The following ZYX variants were observed in gnomAD, a reference collection of about 807,000 sequenced individuals.
ZYX encodes zyxin.
ZYX carries 37 observed loss-of-function variants against 58.1 expected under a neutral mutation model. The observed-to-expected ratio is 0.64, with a 90% CI of 0.49 to 0.84. ZYX has a LOEUF of 0.84. Among genes scored for constraint, ZYX ranks in the 40% least tolerant of loss-of-function variants. The pLI is 0.00. For synonymous variants in ZYX, 324 were observed against 321.1 expected (o/e 1.01, Z -0.10); for missense variants, 762 against 761.6 (o/e 1.00, Z -0.01).
chr7:143,388,930 T>A lies in ZYX; in HGVS notation c.1478T>A (p.Val493Asp), dbSNP rs764116098. Residue 493 changes from valine (V) to aspartate (D), a missense_variant, in exon 8 of 10, where the codon GTC (valine) becomes GAC (aspartate). Transcript: ENST00000322764. The surrounding 1 kb of genome is among the most constrained non-coding windows in gnomAD (Gnocchi z 7.5). ...IVDQANRPHC[V>D]PDYHKQYAPR... ...GACCAGGCCAACCGGCCCCACTGTG[T>A]CCCCGACTACCACAAGTGAGGACCT... 1.2e-6 allele frequency: 2 copies of A among 1,610,678 alleles called. No homozygotes were observed. Among genetic ancestry groups the A allele is most frequent in the East Asian group, 4.5e-5 (2 of 44,860 alleles).
Position 143,388,148 on chromosome 7 carries a change from G to C in ZYX, c.1024-71G>C. 1 of 1,518,376 alleles carries C rather than the reference G, an allele frequency of 6.6e-7. No individual in the cohort carries two copies. 94.1% of individuals were successfully genotyped at this position (1,518,376 alleles called of 1,614,324 possible). Reference sequence around the variant, plus strand: ...AGCTAAGCCTCATCGGAAGAAGCCGGGTAGGCTGGCCTGGGAAGGTTCTTG... The same window carrying C: ...AGCTAAGCCTCATCGGAAGAAGCCGCGTAGGCTGGCCTGGGAAGGTTCTTG... On this transcript the variant is annotated intron_variant, in intron 5 of 9. Coordinates refer to ENST00000322764, the MANE Select transcript of ZYX (RefSeq NM_003461.5). This position sits in a 1 kb window ranked among gnomAD's most constrained non-coding sequence, Gnocchi z 7.5.
rs1489037655 is a variant in ZYX, at chr7:143,382,390, G to A, written c.351G>A (p.Pro117=). The change falls in exon 3 of 10, where the codon CCG becomes CCA. Residue 117 remains proline, a synonymous_variant. Coordinates refer to ENST00000322764, the MANE Select transcript of ZYX (RefSeq NM_003461.5). ...TGGAGGAGGAGATCTTCCCTTCCCC[G>A]CCGCCTCCTCCGGAGGAGGAGGGAG... ...APLEEEIFPS[P]PPPPEEEGGP... 6 of 1,577,052 alleles carry A rather than the reference G, an allele frequency of 3.8e-6. No individual in the cohort carries two copies. Among genetic ancestry groups the A allele is most frequent in the African/African-American group, 1.4e-5 (1 of 72,934 alleles).
rs546228456 is a variant in ZYX, at chr7:143,387,933, C to T, written c.1024-286C>T. 54 of 542,800 alleles carry T rather than the reference C, an allele frequency of 9.9e-5. No homozygotes were observed. The highest frequency in any genetic ancestry group is 6.5e-4 in the African/African-American group (35 of 53,480). 33.6% of individuals were successfully genotyped at this position (542,800 alleles called of 1,614,324 possible). On this transcript the variant is annotated intron_variant, in intron 5 of 9. Transcript: ENST00000322764. This position sits in a 1 kb window ranked among gnomAD's most constrained non-coding sequence, Gnocchi z 5.8. Reference sequence around the variant, plus strand: ...AGCTGCTGTGTGCGTGGCCTCCGTCCGCCCAGTCATTCTGGCCTGTCTGTG... The same window carrying T: ...AGCTGCTGTGTGCGTGGCCTCCGTCTGCCCAGTCATTCTGGCCTGTCTGTG...
chr7:143,386,935 A>T (rs1399744369), intron 5 of ZYX, among the ~76,000 whole-genome samples: 1 of 152,042 alleles, frequency 6.6e-6, no homozygotes, highest in Admixed American at 6.6e-5. Context: ...ATGAATGGGG[A>T]TACCCATGGG....
intron 5 of ZYX, among the ~76,000 whole-genome samples, chr7:143,383,747 C>T (rs1161948193): frequency 6.6e-6 from 1 of 152,196 alleles, no homozygotes; most frequent in African/African-American, 2.4e-5. Context: ...AAGAGACAGC[C>T]CCAGTAAACA....
At position 143,388,005 on chromosome 7, in the gene ZYX, C is replaced by A; in HGVS notation, c.1024-214C>A. The A allele has an allele frequency of 1.6e-6, 1 of 619,756 alleles. No individual in the cohort carries two copies. The highest frequency in any genetic ancestry group is 1.8e-5 in the South Asian group (1 of 55,950). 38.4% of individuals were successfully genotyped at this position (619,756 alleles called of 1,614,324 possible). A position where few individuals can be genotyped will look rare whatever the true frequency, so the allele number is the denominator to read the frequency against. On this transcript the variant is annotated intron_variant, in intron 5 of 9. Transcript: ENST00000322764. The surrounding 1 kb of genome is among the most constrained non-coding windows in gnomAD (Gnocchi z 7.5). Reference sequence around the variant, plus strand: ...GAGTGGGTGGAAATGTCTTGCTGTACGAGATCCAGGCTTAGGTCCCTTCCC... The same window carrying A: ...GAGTGGGTGGAAATGTCTTGCTGTAAGAGATCCAGGCTTAGGTCCCTTCCC...
Position 143,388,755 on chromosome 7 carries a change from C to T in ZYX, c.1315-12C>T, listed in dbSNP as rs1234457771. ...CCGGTTCCCTGCCAACCTCCTCCTG[C>T]TGCCTCCTCAGGACACCCTGGAGAA... is the stretch of plus-strand genomic sequence containing the variant. On this transcript the variant is annotated splice_polypyrimidine_tract_variant and intron_variant, in intron 7 of 9. Transcript: ENST00000322764. The surrounding 1 kb of genome is among the most constrained non-coding windows in gnomAD (Gnocchi z 7.5). The T allele has an allele frequency of 3.7e-6, 6 of 1,611,352 alleles. No homozygotes were observed. The highest frequency in any genetic ancestry group is 3.3e-5 in the South Asian group (3 of 90,846).
intron 5 of ZYX, among the ~76,000 whole-genome samples, chr7:143,386,568 A>C (rs6464547): frequency 0.75 from 113,191 of 151,904 alleles, 43,270 homozygotes; most frequent in East Asian, 0.96. Context: ...AAACAGGAAG[A>C]GGGTGGTGGT....
In ZYX at chr7:143,388,878, C is replaced by T; in HGVS notation, c.1426C>T (p.Pro476Ser). 1 of 1,613,820 alleles carries T rather than the reference C, an allele frequency of 6.2e-7. No individual in the cohort carries two copies. The highest frequency in any genetic ancestry group is 8.5e-7 in the Non-Finnish European group (1 of 1,179,988). The change falls in exon 8 of 10, where the codon CCC becomes TCC. Residue 476 changes from proline (P) to serine (S), a missense_variant. Coordinates refer to ENST00000322764, the MANE Select transcript of ZYX (RefSeq NM_003461.5). This position sits in a 1 kb window ranked among gnomAD's most constrained non-coding sequence, Gnocchi z 7.5. ...HCFTCVVCAR[P>S]LEGTSFIVDQ... The stretch of plus-strand genomic sequence containing the variant: ...CTTCACCTGTGTGGTCTGCGCCCGC[C>T]CCCTGGAGGGCACCTCCTTCATCGT...
Position 143,382,250 on chromosome 7 carries a change from T to G in ZYX, c.211T>G (p.Phe71Val), listed in dbSNP as rs149872144. 3.7e-6 allele frequency: 6 copies of G among 1,612,232 alleles called. No individual in the cohort carries two copies. The African/African-American group carries it at 8.0e-5, about 21-fold the overall frequency. Residue 71 changes from phenylalanine (F) to valine (V), a missense_variant and splice_region_variant, in exon 3 of 10, where the codon TTT (phenylalanine) becomes GTT (valine). By Grantham distance (50) the Phe-to-Val change is conservative. Transcript: ENST00000322764. ...GEIPPPPPED[F>V]PLPPPPLAGD... is the part of the protein sequence containing the mutation. ...CGTCTTTCTCCTTCCTACCCCAGACTTTCCCCTGCCTCCACCTCCCCTTGC... is the reference window on the plus strand; with the variant it reads ...CGTCTTTCTCCTTCCTACCCCAGACGTTCCCCTGCCTCCACCTCCCCTTGC...
Position 143,387,904 on chromosome 7 carries a change from C to T in ZYX, c.1024-315C>T. On this transcript the variant is annotated intron_variant, in intron 5 of 9. Coordinates refer to ENST00000322764, the MANE Select transcript of ZYX (RefSeq NM_003461.5). The surrounding 1 kb of genome is among the most constrained non-coding windows in gnomAD (Gnocchi z 5.8). ...CCTGGAGTGTCCGGTGCTTCAGTGA[C>T]CCGAGCTGCTGTGTGCGTGGCCTCC... The T allele has an allele frequency of 2.0e-6, 1 of 511,256 alleles. No individual in the cohort carries two copies. Among genetic ancestry groups the T allele is most frequent in the Non-Finnish European group, 3.8e-6 (1 of 260,390 alleles). 31.7% of individuals were successfully genotyped at this position (511,256 alleles called of 1,614,324 possible). A position where few individuals can be genotyped will look rare whatever the true frequency, so the allele number is the denominator to read the frequency against.
chr7:143,383,783 G>A (rs1221212010), intron 5 of ZYX, among the ~76,000 whole-genome samples: 3 of 152,220 alleles, frequency 2.0e-5, no homozygotes, highest in Non-Finnish European at 4.4e-5. Context: ...TCCACCACGT[G>A]CCAGGCACTG....
At chr7:143,386,024 A>G (rs1804851740) in intron 5 of ZYX, among the ~76,000 whole-genome samples, 1 of 149,184 alleles carries the variant, frequency 6.7e-6, no homozygotes, top group South Asian at 2.1e-4. Context: ...GTGGTGTGGT[A>G]TATGTGTGAG....
chr7:143,389,744 TG>T lies in ZYX; in HGVS notation c.1494-111del. ...GCCCTTCTGGTGAGCTTCCTTCACC[TG>T]GAGATGCAGGGCAGAGAAGTCTGCT... On this transcript the variant is annotated intron_variant, in intron 8 of 9. Coordinates refer to ENST00000322764, the MANE Select transcript of ZYX (RefSeq NM_003461.5). The surrounding 1 kb of genome is among the most constrained non-coding windows in gnomAD (Gnocchi z 5.6). 1.4e-6 allele frequency: 2 copies of T among 1,477,962 alleles called. No individual in the cohort carries two copies. Among genetic ancestry groups the T allele is most frequent in the South Asian group, 1.3e-5 (1 of 78,334 alleles). The allele number at this position is 1,477,962 out of a possible 1,614,324, so 91.6% of individuals were successfully genotyped here. A position where few individuals can be genotyped will look rare whatever the true frequency, so the allele number is the denominator to read the frequency against.
In ZYX at chr7:143,382,372, G is replaced by C. The variant is rs748856055; in HGVS notation, c.333G>C (p.Glu111Asp). The change falls in exon 3 of 10, where the codon GAG (glutamate) becomes GAC (aspartate). Residue 111 changes from glutamate (E) to aspartate (D), a missense_variant. Transcript: ENST00000322764. ...EESFPPAPLEEEIFPSPPPPP... is the reference protein window; with the variant it reads ...EESFPPAPLEDEIFPSPPPPP... ...CATTTCCCCCTGCGCCTCTGGAGGA[G>C]GAGATCTTCCCTTCCCCGCCGCCTC... 6.3e-7 allele frequency: 1 copy of C among 1,590,106 alleles called. No homozygotes were observed. Among genetic ancestry groups the C allele is most frequent in the East Asian group, 2.2e-5 (1 of 44,508 alleles).
At position 143,382,238 on chromosome 7, in the gene ZYX, C is replaced by T. The variant is rs1232977503; in HGVS notation, c.209-10C>T. 1.9e-6 allele frequency: 3 copies of T among 1,611,282 alleles called. No individual in the cohort carries two copies. Among genetic ancestry groups the T allele is most frequent in the Non-Finnish European group, 2.5e-6 (3 of 1,178,856 alleles). On this transcript the variant is annotated splice_polypyrimidine_tract_variant and intron_variant, in intron 2 of 9. Coordinates refer to ENST00000322764, the MANE Select transcript of ZYX (RefSeq NM_003461.5). ...GACCCCGGCCGACGTCTTTCTCCTT[C>T]CTACCCCAGACTTTCCCCTGCCTCC...
Position 143,381,377 on chromosome 7 carries a change from A to G in ZYX, c.-48A>G. On this transcript the variant is annotated 5_prime_UTR_variant, in exon 1 of 10. Transcript: ENST00000322764. ...CTGCGGACCCGGCGCCGAGGCGGCC[A>G]CCCGAGACGCGGCGCGCACGCTCCG... 1 of 1,171,718 alleles carries G rather than the reference A, an allele frequency of 8.5e-7. No homozygotes were observed. 72.6% of individuals were successfully genotyped at this position (1,171,718 alleles called of 1,614,324 possible).
Position 143,382,457 on chromosome 7 carries a change from C to T in ZYX, c.408+10C>T, listed in dbSNP as rs2116557516. On this transcript the variant is annotated intron_variant, in intron 3 of 9. Transcript: ENST00000322764. ...ACCGCCCCCACCACAGGTACGGAGG[C>T]CTGGGAGGGGCGGCTGCACTGGACA... 4 of 1,599,844 alleles carry T rather than the reference C, an allele frequency of 2.5e-6. No individual in the cohort carries two copies. The highest frequency in any genetic ancestry group is 2.6e-6 in the Non-Finnish European group (3 of 1,172,072).
In ZYX at chr7:143,383,288, A is replaced by AC; in HGVS notation, c.993dup (p.Val332ArgfsTer108). On this transcript the variant is annotated frameshift_variant, in exon 5 of 10. Transcript: ENST00000322764. LOFTEE classifies it high-confidence loss of function. ...AAGCCCCGAGTGCAGGAGAAGCAGC[A>AC]CCCCGTGCCCCCACCGGCTCAGAAC... 1 of 1,611,714 alleles carries AC rather than the reference A, an allele frequency of 6.2e-7. No individual in the cohort carries two copies. The highest frequency in any genetic ancestry group is 8.5e-7 in the Non-Finnish European group (1 of 1,179,332).
Sources: allele counts gnomAD v4.1 joint callset (sites outside exome capture counted in the v4.1 genomes callset), GRCh38; gene constraint gnomAD v4.1.1; non-coding constraint Gnocchi (gnomAD v3.1); transcripts MANE v1.5; gene names NCBI Gene and HGNC (gene_info 2026-07-23, HGNC 2026-07-21).